WDFY1: variants seen among roughly 807,000 people sequenced by gnomAD.
WDFY1 encodes the protein WD repeat and FYVE domain-containing protein 1.
Under a neutral mutation model 56.4 loss-of-function variants are expected in WDFY1, and 32 were observed. The observed-to-expected ratio is 0.57, with a 90% CI of 0.43 to 0.76. The LOEUF is 0.76. Among genes scored for constraint, WDFY1 ranks in the 30% least tolerant of loss-of-function variants. The pLI, the probability that WDFY1 is intolerant of heterozygous loss-of-function variation, is 0.00. For synonymous variants in WDFY1, 192 were observed against 197.3 expected (o/e 0.97, Z 0.23); for missense variants, 480 against 545.7 (o/e 0.88, Z 1.20).
At chr2:223,904,339 C>T (rs1324695096) in intron 4 of WDFY1, among the ~76,000 whole-genome samples, 1 of 152,188 alleles carries the variant, frequency 6.6e-6, no homozygotes, top group Admixed American at 6.5e-5. Flanking sequence ...GCAACCTCCG[C>T]CTCCCGGGTT....
At chr2:223,929,439 C>T (rs377346960) in intron 1 of WDFY1, among the ~76,000 whole-genome samples, 9 of 151,998 alleles carry the variant, frequency 5.9e-5, no homozygotes, top group Middle Eastern at 3.2e-3. Context: ...CTGCCCACCT[C>T]GATCTCCCAA....
intron 1 of WDFY1, among the ~76,000 whole-genome samples, chr2:223,926,691 A>G (rs1693989118): frequency 6.6e-6 from 1 of 151,686 alleles, no homozygotes; most frequent in Non-Finnish European, 1.5e-5. Flanking sequence ...TTTTTGAAAC[A>G]GAGTCTCACT....
intron 8 of WDFY1, among the ~76,000 whole-genome samples, chr2:223,887,418 G>A (rs773039557): frequency 1.3e-5 from 2 of 152,184 alleles, no homozygotes; most frequent in Non-Finnish European, 2.9e-5. Context: ...CTTTAAGGAC[G>A]ACACAATGAA....
At chr2:223,897,184 AT>A (rs1693395430) in intron 6 of WDFY1, among the ~76,000 whole-genome samples, 1 of 151,814 alleles carries the variant, frequency 6.6e-6, no homozygotes, top group Non-Finnish European at 1.5e-5. Context: ...AAATAAGTCC[AT>A]CATTGATTCT....
chr2:223,926,608 T>G (rs1166214420), intron 1 of WDFY1, among the ~76,000 whole-genome samples: 2 of 151,976 alleles, frequency 1.3e-5, no homozygotes, highest in Admixed American at 6.6e-5. Context: ...TACATACATT[T>G]ACATATATAT....
chr2:223,882,334 C>T (rs556622536), intron 9 of WDFY1, among the ~76,000 whole-genome samples: 122 of 152,218 alleles, frequency 8.0e-4, no homozygotes, highest in African/African-American at 2.5e-3. Flanking sequence ...AGGCTGGTCT[C>T]GAACTCCTGA....
chr2:223,895,626 A>G lies in WDFY1; in HGVS notation c.603T>C (p.Ser201=), dbSNP rs1693353388. 1 of 1,613,836 alleles carries G rather than the reference A, an allele frequency of 6.2e-7. No homozygotes were observed. The highest frequency in any genetic ancestry group is 1.7e-5 in the Admixed American group (1 of 59,986). ...VITTLKGHEG[S]VACLWWDPIQ... is the part of the protein sequence containing the mutation. Reference sequence around the variant, plus strand: ...TAGGGTCCCACCAGAGGCAGGCGACACTACCTAGGGATTTGTGAGAGAGAG... The same window carrying G: ...TAGGGTCCCACCAGAGGCAGGCGACGCTACCTAGGGATTTGTGAGAGAGAG... The change falls in exon 7 of 12, where the codon AGT becomes AGC. Residue 201 remains serine, a synonymous_variant. Transcript: ENST00000233055.
chr2:223,942,773 G>GTT (rs1281481145), intron 1 of WDFY1, among the ~76,000 whole-genome samples: 26 of 89,184 alleles, frequency 2.9e-4, no homozygotes, highest in Admixed American at 7.5e-4. Context: ...CTGACCTCAT[G>GTT]ATCCACCCGC....
At chr2:223,881,662 C>T (rs572258879) in intron 10 of WDFY1, among the ~76,000 whole-genome samples, 44 of 152,190 alleles carry the variant, frequency 2.9e-4, no homozygotes, top group Non-Finnish European at 5.0e-4. Flanking sequence ...GTGGGGGGCG[C>T]CTGTAATCCC....
intron 2 of WDFY1, among the ~76,000 whole-genome samples, chr2:223,915,610 G>A (rs1429824768): frequency 1.3e-5 from 2 of 152,230 alleles, no homozygotes; most frequent in Non-Finnish European, 2.9e-5. Flanking sequence ...AATGATGGAG[G>A]AAGGGAAGAG....
chr2:223,895,997 A>G (rs1245655840), intron 6 of WDFY1, among the ~76,000 whole-genome samples: 1 of 151,638 alleles, frequency 6.6e-6, no homozygotes, highest in East Asian at 1.9e-4. Context: ...TATCTCTCCA[A>G]AAAAACAAAT....
At chr2:223,945,124 G>C (rs1689388911) in intron 1 of WDFY1, 24 bp downstream of exon 1, 2 of 1,568,864 alleles carry the variant, frequency 1.3e-6, no homozygotes, top group Admixed American at 1.8e-5. Flanking sequence ...AGTTCGGGCC[G>C]CCCCGGCTGC....
In WDFY1 at chr2:223,935,039, G is replaced by C. The variant is rs146827579; in HGVS notation, c.137+10109C>G. Among the ~76,000 whole-genome samples, 10 of 152,252 alleles carry C rather than the reference G, an allele frequency of 6.6e-5. 1 individual carries two copies. The highest frequency in any genetic ancestry group is 2.4e-4 in the African/African-American group (10 of 41,540). On this transcript the variant is annotated intron_variant, in intron 1 of 11. Coordinates refer to ENST00000233055, the MANE Select transcript of WDFY1 (RefSeq NM_020830.5). ...AACTGAGAAGAGGGTTTCGGCGAGG[G>C]AACAGCACAGCAGGACGAAGCCTCT...
intron 5 of WDFY1, among the ~76,000 whole-genome samples, chr2:223,900,483 T>C (rs1469381546): frequency 6.6e-6 from 1 of 152,148 alleles, no homozygotes; most frequent in Non-Finnish European, 1.5e-5. Context: ...ATCACTAAGA[T>C]ACACAGCAGG....
At chr2:223,928,936 C>G (rs924698816) in intron 1 of WDFY1, among the ~76,000 whole-genome samples, 7 of 152,146 alleles carry the variant, frequency 4.6e-5, no homozygotes, top group Non-Finnish European at 1.0e-4. Context: ...AAAAAGGAGA[C>G]ATGGACCTGG....
intron 5 of WDFY1, 47 bp downstream of exon 5, chr2:223,901,136 A>C (rs771686407): frequency 2.5e-6 from 4 of 1,578,958 alleles, no homozygotes; most frequent in Non-Finnish European, 2.6e-6. Context: ...CCAAACACTG[A>C]GAAGCAGAGG....
At chr2:223,937,035 T>C (rs894430047) in intron 1 of WDFY1, among the ~76,000 whole-genome samples, 3 of 152,270 alleles carry the variant, frequency 2.0e-5, no homozygotes, top group Admixed American at 2.0e-4. Flanking sequence ...ATGACTATAA[T>C]GTGTCAATCT....
At chr2:223,915,969 A>G (rs926056632) in intron 2 of WDFY1, among the ~76,000 whole-genome samples, 1 of 152,260 alleles carries the variant, frequency 6.6e-6, no homozygotes. Flanking sequence ...ACGCATCCAC[A>G]GTACATGCAG....
At position 223,879,229 on chromosome 2, in the gene WDFY1, A is replaced by G. The variant is rs1693023944; in HGVS notation, c.1174-499T>C. Among the ~76,000 whole-genome samples the G allele has an allele frequency of 2.6e-5, 4 of 152,352 alleles. No homozygotes were observed. In the South Asian group the frequency reaches 8.3e-4, roughly 32 times the overall value. ...GAAAGATAAAACAATGTAGTTCACT[A>G]AAATGTGAATAAAGCATATAGGTAG... On this transcript the variant is annotated intron_variant, in intron 11 of 11. Transcript: ENST00000233055.
Sources: gnomAD v4.1 joint callset for allele counts (sites outside exome capture counted in the v4.1 genomes callset) on GRCh38, gnomAD v4.1.1 for gene constraint, MANE v1.5 for transcripts, NCBI Gene and HGNC (gene_info 2026-07-23, HGNC 2026-07-21) for gene names.